Variants in MAML3 observed in about 807,000 individuals in gnomAD.
MAML3 encodes mastermind-like protein 3.
Under a neutral mutation model 101.9 loss-of-function variants are expected in MAML3, and 27 were observed. That is an observed-to-expected ratio of 0.27 (90% CI 0.20 to 0.37). MAML3 has a LOEUF of 0.37. Among genes scored for constraint, MAML3 ranks in the 10% least tolerant of loss-of-function variants. The pLI, the probability that MAML3 is intolerant of heterozygous loss-of-function variation, is 1.00. For missense variants in MAML3, 1,316 were observed against 1,444.9 expected, an observed-to-expected ratio of 0.91 and a Z score of 1.45; for synonymous variants, 501 against 555.9, an observed-to-expected ratio of 0.90 and a Z score of 1.39.
chr4:139,958,247 T>C (rs186009335), intron 1 of MAML3, among the ~76,000 whole-genome samples: 27 of 152,304 alleles, frequency 1.8e-4, no homozygotes, highest in Non-Finnish European at 1.8e-4. Flanking sequence ...CCATCTTATA[T>C]GGAGAATGTT....
At chr4:139,949,653 A>G (rs2110755448) in intron 1 of MAML3, among the ~76,000 whole-genome samples, 1 of 152,386 alleles carries the variant, frequency 6.6e-6, no homozygotes, top group South Asian at 2.1e-4. Context: ...TTATCAAGAT[A>G]TGAAACCTAA....
At position 139,889,488 on chromosome 4, in the gene MAML3, GCTGCT is replaced by G. The variant is rs761196180; in HGVS notation, c.1943_1947del (p.Gln648ProfsTer96). On this transcript the variant is annotated frameshift_variant, in exon 2 of 5. Transcript: ENST00000509479. LOFTEE classifies it high-confidence loss of function. The stretch of plus-strand genomic sequence containing the variant: ...GCCTGGAGCTGTGGAGGTGGCGGCT[GCTGCT>G]GCTGCTGCTGCTGCTGTTGCTGTTG... 3.1e-6 allele frequency: 5 copies of G among 1,610,408 alleles called. No individual in the cohort carries two copies. The South Asian group carries it at 3.3e-5, about 11-fold the overall frequency.
At chr4:139,938,371 T>C (rs940486371) in intron 1 of MAML3, among the ~76,000 whole-genome samples, 6 of 152,108 alleles carry the variant, frequency 3.9e-5, no homozygotes, top group African/African-American at 1.4e-4. Context: ...AGTCATGAAG[T>C]GATTGGCTCA....
chr4:140,044,219 T>C (rs1464103131), intron 1 of MAML3, among the ~76,000 whole-genome samples: 1 of 152,134 alleles, frequency 6.6e-6, no homozygotes, highest in African/African-American at 2.4e-5. Flanking sequence ...ACATTGGAGA[T>C]ATATTGTCAA....
intron 1 of MAML3, among the ~76,000 whole-genome samples, chr4:139,942,330 G>T (rs1733624005): frequency 6.6e-6 from 1 of 152,112 alleles, no homozygotes; most frequent in Non-Finnish European, 1.5e-5. Flanking sequence ...CCCACTTACA[G>T]CGTCATGTCA....
At chr4:139,946,773 G>T (rs1212510786) in intron 1 of MAML3, among the ~76,000 whole-genome samples, 1 of 152,006 alleles carries the variant, frequency 6.6e-6, no homozygotes, top group Non-Finnish European at 1.5e-5. Context: ...CCTCAGGGAG[G>T]TCATCAGTTC....
At chr4:140,103,830 A>T (rs1728289851) in intron 1 of MAML3, among the ~76,000 whole-genome samples, 1 of 152,142 alleles carries the variant, frequency 6.6e-6, no homozygotes. Context: ...GCTAAGCCTA[A>T]GACACTGCTA....
At chr4:140,012,141 G>A (rs1277140452) in intron 1 of MAML3, among the ~76,000 whole-genome samples, 1 of 152,136 alleles carries the variant, frequency 6.6e-6, no homozygotes, top group Non-Finnish European at 1.5e-5. Flanking sequence ...ATTCTTATAA[G>A]TTTGGCAACC....
At chr4:139,864,433 C>G (rs897410048) in intron 2 of MAML3, among the ~76,000 whole-genome samples, 1 of 152,134 alleles carries the variant, frequency 6.6e-6, no homozygotes, top group African/African-American at 2.4e-5. Flanking sequence ...AATCCCAGCA[C>G]TTTGGGAGGC....
At position 139,718,588 on chromosome 4, in the gene MAML3, C is replaced by T. The variant is rs1728090628; in HGVS notation, c.*735G>A. The T allele has an allele frequency of 6.6e-6, 1 of 152,636 alleles. No homozygotes were observed. Among genetic ancestry groups the T allele is most frequent in the Non-Finnish European group, 1.5e-5 (1 of 68,276 alleles). The allele number at this position is 152,636 out of a possible 1,614,324, so 9.5% of individuals were successfully genotyped here. A position where few individuals can be genotyped will look rare whatever the true frequency, so the allele number is the denominator to read the frequency against. ...CTGGAGGGACTGCCACCAGGGGCAC[C>T]AGCAGAGGGAAGCCGTCCCAGGACT... On this transcript the variant is annotated 3_prime_UTR_variant, in exon 5 of 5. Coordinates refer to ENST00000509479, the MANE Select transcript of MAML3 (RefSeq NM_018717.5).
At chr4:140,018,579 T>C (rs1726684886) in intron 1 of MAML3, among the ~76,000 whole-genome samples, 1 of 152,246 alleles carries the variant, frequency 6.6e-6, no homozygotes, top group Non-Finnish European at 1.5e-5. Context: ...TAAAGTCTAA[T>C]AGTTGCTTGC....
At chr4:139,801,668 G>GTGTGTGTGTC (rs1730610854) in intron 2 of MAML3, among the ~76,000 whole-genome samples, 4 of 17,230 alleles carry the variant, frequency 2.3e-4, no homozygotes, top group African/African-American at 5.5e-4. Flanking sequence ...GTGTGTGTGT[G>GTGTGTGTGTC]TGTGTGTGTG....
chr4:139,880,108 G>A (rs1015703832), intron 2 of MAML3, among the ~76,000 whole-genome samples: 2 of 151,894 alleles, frequency 1.3e-5, no homozygotes, highest in African/African-American at 4.8e-5. Flanking sequence ...AGAAGACAGA[G>A]GTTGCAGTGA....
intron 1 of MAML3, among the ~76,000 whole-genome samples, chr4:140,015,583 G>A (rs928781044): frequency 1.3e-5 from 2 of 152,204 alleles, no homozygotes; most frequent in Non-Finnish European, 2.9e-5. Flanking sequence ...AAGCAAGGAT[G>A]TCTGTTCTCA....
intron 2 of MAML3, among the ~76,000 whole-genome samples, chr4:139,861,824 G>A (rs1264410480): frequency 6.6e-6 from 1 of 152,072 alleles, no homozygotes; most frequent in African/African-American, 2.4e-5. Flanking sequence ...AGCCCCTGTT[G>A]ATTACATTCC....
chr4:140,061,359 A>G (rs1727446003), intron 1 of MAML3, among the ~76,000 whole-genome samples: 1 of 152,244 alleles, frequency 6.6e-6, no homozygotes, highest in Non-Finnish European at 1.5e-5. Flanking sequence ...GGGAGACTGC[A>G]TTCACTGTCT....
chr4:140,085,093 A>G (rs533239381), intron 1 of MAML3, among the ~76,000 whole-genome samples: 2 of 152,288 alleles, frequency 1.3e-5, no homozygotes, highest in South Asian at 4.1e-4. Flanking sequence ...ACCACAGTGA[A>G]GCTGTTAGCA....
intron 2 of MAML3, among the ~76,000 whole-genome samples, chr4:139,864,925 T>TG (rs1553961075): frequency 0.012 from 1,298 of 107,178 alleles, 79 homozygotes; most frequent in South Asian, 0.036. Context: ...CAAACTTGCT[T>TG]TTTTTTTTTT....
intron 1 of MAML3, among the ~76,000 whole-genome samples, chr4:140,033,020 A>G (rs1220313000): frequency 6.6e-6 from 1 of 152,176 alleles, no homozygotes; most frequent in Non-Finnish European, 1.5e-5. Flanking sequence ...TCCTGGGAAA[A>G]GCCACCAGCT....
Sources: allele counts gnomAD v4.1 joint callset (sites outside exome capture counted in the v4.1 genomes callset), GRCh38; gene constraint gnomAD v4.1.1; transcripts MANE v1.5; gene names NCBI Gene and HGNC (gene_info 2026-07-23, HGNC 2026-07-21).